HCFC1R1: variants seen among roughly 807,000 people sequenced by gnomAD.
The protein encoded by HCFC1R1 is HCF-1 beta-propeller-interacting protein.
Under a neutral mutation model 13.3 loss-of-function variants are expected in HCFC1R1, and 17 were observed. The ratio of observed to expected loss-of-function variants is 1.28; its 90% confidence interval spans 0.87 to 1.91. HCFC1R1 has a LOEUF of 1.91. Among genes scored for constraint, HCFC1R1 ranks in the 40% most tolerant of loss-of-function variants. The probability of loss-of-function intolerance (pLI) is 0.00; values close to 1 mark genes in which losing one functional copy is unlikely to be tolerated. For synonymous variants in HCFC1R1, 87 were observed against 71.1 expected, an observed-to-expected ratio of 1.22 and a Z score of -1.12; for missense variants, 218 against 177.9, an observed-to-expected ratio of 1.23 and a Z score of -1.28.
upstream of HCFC1R1, chr16:3,024,183 C>T (rs910039720): frequency 6.9e-6 from 7 of 1,012,102 alleles, no homozygotes; most frequent in African/African-American, 1.6e-5. Context: ...GCGCTCACCT[C>T]GGCTCCTAGG....
Position 3,023,365 on chromosome 16 carries a change from G to T in HCFC1R1, c.153-4C>A, listed in dbSNP as rs1433413868. The T allele has an allele frequency of 6.2e-7, 1 of 1,611,412 alleles. No individual in the cohort carries two copies. On this transcript the variant is annotated splice_region_variant and splice_polypyrimidine_tract_variant and intron_variant, in intron 2 of 3. Coordinates refer to ENST00000248089, the MANE Select transcript of HCFC1R1 (RefSeq NM_017885.4). ...AAACTGCTTGCGCAGAGGCTCCCTG[G>T]GGAGAGATGGCAGAGAGGCAGGCTG...
Position 3,022,948 on chromosome 16 carries a change from G to A in HCFC1R1, c.332C>T (p.Pro111Leu), listed in dbSNP as rs751340993. The change falls in exon 4 of 4, where the codon CCT becomes CTT. Residue 111 changes from proline to leucine, a missense_variant. By Grantham distance (98) the Pro-to-Leu change is moderately conservative. Coordinates refer to ENST00000248089, the MANE Select transcript of HCFC1R1 (RefSeq NM_017885.4). ...CAGCCTCAGCAGACGGAGGGCCTCAGGGATGAGGCTGCCAGGATAGCGCCA... is the reference window on the plus strand; with the variant it reads ...CAGCCTCAGCAGACGGAGGGCCTCAAGGATGAGGCTGCCAGGATAGCGCCA... The part of the protein sequence containing the change: ...LLWRYPGSLI[P>L]EALRLLRLGD... The A allele has an allele frequency of 2.5e-6, 4 of 1,583,868 alleles. No homozygotes were observed. The South Asian group carries it at 4.6e-5, about 18-fold the overall frequency.
Position 3,023,337 on chromosome 16 carries a change from CAG to C in HCFC1R1, c.175_176del (p.Leu59ValfsTer2), listed in dbSNP as rs1357171511. The C allele has an allele frequency of 1.2e-6, 2 of 1,606,312 alleles. No homozygotes were observed. Among genetic ancestry groups the C allele is most frequent in the Admixed American group, 1.7e-5 (1 of 59,422 alleles). Reference sequence around the variant, plus strand: ...AGTGGGTGGCCATGTTCTCCTCAGACAGAAACTGCTTGCGCAGAGGCTCCCTG... The same window carrying C: ...AGTGGGTGGCCATGTTCTCCTCAGACAAACTGCTTGCGCAGAGGCTCCCTG... ...EEQEPLRKQF[L>X]SEENMATHFS... On this transcript the variant is annotated frameshift_variant, in exon 3 of 4. Coordinates refer to ENST00000248089, the MANE Select transcript of HCFC1R1 (RefSeq NM_017885.4). LOFTEE classifies it high-confidence loss of function.
Position 3,023,528 on chromosome 16 carries a change from G to C in HCFC1R1, c.98C>G (p.Ser33Cys), listed in dbSNP as rs1233482665. 1 of 1,581,994 alleles carries C rather than the reference G, an allele frequency of 6.3e-7. No individual in the cohort carries two copies. Among genetic ancestry groups the C allele is most frequent in the Non-Finnish European group, 8.6e-7 (1 of 1,162,992 alleles). The change falls in exon 2 of 4, where the codon TCC becomes TGC. Residue 33 changes from serine (S) to cysteine (C), a missense_variant and splice_region_variant. Physicochemically the swap from Ser to Cys is moderately radical, Grantham distance 112. Transcript: ENST00000248089. ...CATGGGCACAGCTCCTCGGAGAGGG[G>C]AGCTGGGAAAAAAAGAGAGCCTGGT... The part of the protein sequence containing the change: ...LGVTWGLDAS[S>C]PLRGAVPMST...
At chr16:3,023,440 CTTG>C in intron 2 of HCFC1R1, 31 bp downstream of exon 2, 1 of 1,613,856 alleles carries the variant, frequency 6.2e-7, no homozygotes, top group Admixed American at 1.7e-5. Flanking sequence ...TGACAGAGAT[CTTG>C]TTGGGAGTCC....
rs1596472367 is a variant in HCFC1R1 at position 3,023,307 on chromosome 16, A to G, written c.207T>C (p.Ser69=). The change falls in exon 3 of 4, where the codon TCT becomes TCC. Residue 69 remains serine, a synonymous_variant. Coordinates refer to ENST00000248089, the MANE Select transcript of HCFC1R1 (RefSeq NM_017885.4). ...GGTGGTCATTGTGCAGGCTGAGTTG[A>G]GAGAAGTGGGTGGCCATGTTCTCCT... ...LSEENMATHF[S]QLSLHNDHPY... is the part of the protein sequence containing the mutation. 6.3e-7 allele frequency: 1 copy of G among 1,598,310 alleles called. No homozygotes were observed.
rs1188195763 is a variant in HCFC1R1 at position 3,023,297 on chromosome 16, G to A, written c.217C>T (p.Leu73=). Residue 73 remains leucine (L), a synonymous_variant, in exon 3 of 4, where the codon CTG becomes TTG. Transcript: ENST00000248089. ...CTGCAGTAGGGGTGGTCATTGTGCA[G>A]GCTGAGTTGAGAGAAGTGGGTGGCC... ...NMATHFSQLS[L]HNDHPYCSPP... 1 of 1,594,964 alleles carries A rather than the reference G, an allele frequency of 6.3e-7. No homozygotes were observed. The highest frequency in any genetic ancestry group is 1.3e-5 in the African/African-American group (1 of 74,642).
Position 3,023,514 on chromosome 16 carries a change from C to A in HCFC1R1, c.112G>T (p.Ala38Ser), listed in dbSNP as rs781093745. ...CGCCGCTTGGTGCTCATGGGCACAG[C>A]TCCTCGGAGAGGGGAGCTGGGAAAA... ...GLDASSPLRG[A>S]VPMSTKRRLE... Residue 38 changes from alanine (A) to serine (S), a missense_variant, in exon 2 of 4, where the codon GCT (alanine) becomes TCT (serine). Ala to Ser is a moderately conservative substitution (Grantham distance 99). Coordinates refer to ENST00000248089, the MANE Select transcript of HCFC1R1 (RefSeq NM_017885.4). 1.3e-6 allele frequency: 2 copies of A among 1,598,496 alleles called. No homozygotes were observed. Among genetic ancestry groups the A allele is most frequent in the Non-Finnish European group, 1.7e-6 (2 of 1,170,822 alleles).
In HCFC1R1 at chr16:3,023,267, G is replaced by T. The variant is rs764098827; in HGVS notation, c.247C>A (p.Pro83Thr). The T allele has an allele frequency of 5.1e-5, 81 of 1,573,242 alleles. No individual in the cohort carries two copies. Among genetic ancestry groups the T allele is most frequent in the Admixed American group, 1.6e-4 (9 of 56,022 alleles). The change falls in exon 3 of 4, where the codon CCC (proline) becomes ACC (threonine). Residue 83 changes from proline to threonine, a missense_variant. Pro to Thr is a conservative substitution (Grantham distance 38). Transcript: ENST00000248089. ...GGCAGGGCTGGGGAGAAGGTCATGG[G>T]GGGGCTGCAGTAGGGGTGGTCATTG... ...LHNDHPYCSP[P>T]MTFSPALPPL...
Position 3,022,809 on chromosome 16 carries a change from G to T in HCFC1R1, c.*54C>A. The T allele has an allele frequency of 7.0e-7, 1 of 1,424,656 alleles. No homozygotes were observed. The highest frequency in any genetic ancestry group is 2.9e-5 in the East Asian group (1 of 34,872). 88.3% of individuals were successfully genotyped at this position (1,424,656 alleles called of 1,614,324 possible). On this transcript the variant is annotated 3_prime_UTR_variant, in exon 4 of 4. Transcript: ENST00000248089. ...CCTTGTCCCTTTGCGGGAGTCGCTG[G>T]TCTCTTCTGTTGTGGGGAAGAAGGA...
In HCFC1R1 at chr16:3,023,365, G is replaced by C; in HGVS notation, c.153-4C>G. On this transcript the variant is annotated splice_region_variant and splice_polypyrimidine_tract_variant and intron_variant, in intron 2 of 3. Coordinates refer to ENST00000248089, the MANE Select transcript of HCFC1R1 (RefSeq NM_017885.4). ...AAACTGCTTGCGCAGAGGCTCCCTGGGGAGAGATGGCAGAGAGGCAGGCTG... is the reference window on the plus strand; with the variant it reads ...AAACTGCTTGCGCAGAGGCTCCCTGCGGAGAGATGGCAGAGAGGCAGGCTG... 1.2e-6 allele frequency: 2 copies of C among 1,611,412 alleles called. No individual in the cohort carries two copies. Among genetic ancestry groups the C allele is most frequent in the Non-Finnish European group, 1.7e-6 (2 of 1,178,268 alleles).
At chr16:3,024,221 TCG>T, upstream of HCFC1R1, 1 of 1,456,762 alleles carries the variant, frequency 6.9e-7, no homozygotes, top group East Asian at 2.3e-5. Context: ...CCAGCCACCT[TCG>T]CGCCGAAGGC....
In HCFC1R1 at chr16:3,022,692, C is replaced by T. The variant is rs1056863368; in HGVS notation, c.*171G>A. On this transcript the variant is annotated 3_prime_UTR_variant, in exon 4 of 4. Coordinates refer to ENST00000248089, the MANE Select transcript of HCFC1R1 (RefSeq NM_017885.4). ...GGATGCCTCCCTTCCCATGCTCCCA[C>T]CCCTCCCATCCCAGAACTCCGTTGG... 2.0e-6 allele frequency: 1 copy of T among 505,220 alleles called. No individual in the cohort carries two copies. Among genetic ancestry groups the T allele is most frequent in the African/African-American group, 2.0e-5 (1 of 49,212 alleles). The allele number at this position is 505,220 out of a possible 1,614,324, so 31.3% of individuals were successfully genotyped here. A position where few individuals can be genotyped will look rare whatever the true frequency, so the allele number is the denominator to read the frequency against.
Position 3,022,818 on chromosome 16 carries a change from G to A in HCFC1R1, c.*45C>T, listed in dbSNP as rs1219795340. ...TTTGCGGGAGTCGCTGGTCTCTTCT[G>A]TTGTGGGGAAGAAGGAAGGTGGGAG... On this transcript the variant is annotated 3_prime_UTR_variant, in exon 4 of 4. Transcript: ENST00000248089. 1.4e-6 allele frequency: 2 copies of A among 1,461,062 alleles called. No individual in the cohort carries two copies. The highest frequency in any genetic ancestry group is 3.0e-5 in the Admixed American group (1 of 33,086). 90.5% of individuals were successfully genotyped at this position (1,461,062 alleles called of 1,614,324 possible).
Position 3,023,541 on chromosome 16 carries a change from AAGAG to A in HCFC1R1, c.96-15_96-12del, listed in dbSNP as rs769621869. The A allele has an allele frequency of 1.9e-6, 3 of 1,573,678 alleles. No individual in the cohort carries two copies. The Admixed American group carries it at 5.5e-5, about 29-fold the overall frequency. On this transcript the variant is annotated splice_polypyrimidine_tract_variant and intron_variant, in intron 1 of 3. Transcript: ENST00000248089. ...CCTCGGAGAGGGGAGCTGGGAAAAA[AAGAG>A]AGCCTGGTGCACCCCACCCTCTTGG...
chr16:3,023,801 G>C (rs1412365852), intron 1 of HCFC1R1, 46 bp downstream of exon 1: 1 of 1,414,562 alleles, frequency 7.1e-7, no homozygotes, highest in Non-Finnish European at 9.6e-7. Context: ...CCCAGCCAAA[G>C]CTCCTGCGGC....
chr16:3,023,239 G>T lies in HCFC1R1; in HGVS notation c.275C>A (p.Pro92Gln), dbSNP rs10508. The T allele has an allele frequency of 0.23, 354,339 of 1,547,420 alleles. 41,872 individuals are homozygous for T. Among genetic ancestry groups the T allele is most frequent in the South Asian group, 0.29 (23,846 of 80,930 alleles). Residue 92 changes from proline (P) to glutamine (Q), a missense_variant, in exon 3 of 4, where the codon CCA becomes CAA. Pro to Gln is a moderately conservative substitution (Grantham distance 76, BLOSUM62 -1). Transcript: ENST00000248089. Reference protein sequence around the residue: ...PPMTFSPALPPLRSPCSELLL... With the variant: ...PPMTFSPALPQLRSPCSELLL... ...GGCCAGTGGAGGAACCTACCTGAGT[G>T]GGGGCAGGGCTGGGGAGAAGGTCAT...
At chr16:3,023,435 G>A (rs555692533) in intron 2 of HCFC1R1, 39 bp downstream of exon 2, 2 of 1,613,910 alleles carry the variant, frequency 1.2e-6, no homozygotes, top group African/African-American at 1.3e-5. Flanking sequence ...AGAGGTGACA[G>A]AGATCTTGTT....
At chr16:3,023,607 A>G (rs2072683928) in intron 1 of HCFC1R1, 77 bp from the exon 2 acceptor site, 1 of 1,447,250 alleles carries the variant, frequency 6.9e-7, no homozygotes, top group South Asian at 1.4e-5. Context: ...AGCCTGCAGC[A>G]TCAGCCAGGA....
Sources: allele counts gnomAD v4.1 joint callset, GRCh38; gene constraint gnomAD v4.1.1; transcripts MANE v1.5; gene names NCBI Gene and HGNC (gene_info 2026-07-23, HGNC 2026-07-21).